NFU1: variants seen among roughly 807,000 people sequenced by gnomAD.
The protein encoded by NFU1 is NFU1 iron-sulfur cluster scaffold homolog, mitochondrial.
Under a neutral mutation model 32.2 loss-of-function variants are expected in NFU1, and 30 were observed. The ratio of observed to expected loss-of-function variants is 0.93; its 90% CI spans 0.70 to 1.26. The LOEUF is 1.26. NFU1 is among the 50% of genes most tolerant of loss of function. The probability of loss-of-function intolerance (pLI) is 0.00; values close to 1 mark genes in which losing one functional copy is unlikely to be tolerated. For synonymous variants in NFU1, 112 were observed against 104.6 expected, an observed-to-expected ratio of 1.07 and a Z score of -0.43; for missense variants, 306 against 306.6, an observed-to-expected ratio of 1.00 and a Z score of 0.02.
intron 1 of NFU1, among the ~76,000 whole-genome samples, chr2:69,434,837 G>A (rs1235726551): frequency 1.1e-4 from 16 of 152,340 alleles, no homozygotes; most frequent in Non-Finnish European, 2.9e-5. Context: ...CTCTGGATCT[G>A]AGGCTAGGGG....
chr2:69,437,427 G>C lies in NFU1; in HGVS notation c.-5C>G, dbSNP rs756111212. The C allele has an allele frequency of 6.2e-7, 1 of 1,610,548 alleles. No individual in the cohort carries two copies. Among genetic ancestry groups the C allele is most frequent in the Non-Finnish European group, 8.5e-7 (1 of 1,179,534 alleles). On this transcript the variant is annotated 5_prime_UTR_variant, in exon 1 of 8. Transcript: ENST00000410022. ...CCGCCTGGCCGTCGCCGCCATCTTAGTCCGGAGTGCCTAAGGGTCTCCCTG... is the reference window on the plus strand; with the variant it reads ...CCGCCTGGCCGTCGCCGCCATCTTACTCCGGAGTGCCTAAGGGTCTCCCTG...
upstream of NFU1, among the ~76,000 whole-genome samples, chr2:69,438,655 A>G (rs1248994128): frequency 6.6e-6 from 1 of 152,116 alleles, no homozygotes; most frequent in Non-Finnish European, 1.5e-5. Context: ...CAGAATGGAA[A>G]CAGCACACCT....
At chr2:69,413,905 G>C (rs1456957495) in intron 5 of NFU1, among the ~76,000 whole-genome samples, 2 of 151,950 alleles carry the variant, frequency 1.3e-5, no homozygotes, top group East Asian at 3.9e-4. Flanking sequence ...AAATTACCCA[G>C]GCATGGTGGT....
intron 1 of NFU1, among the ~76,000 whole-genome samples, chr2:69,435,751 T>G (rs1363958497): frequency 6.6e-6 from 1 of 151,980 alleles, no homozygotes; most frequent in Non-Finnish European, 1.5e-5. Context: ...TGTCACCACT[T>G]TATTTTGAGA....
intron 7 of NFU1, chr2:69,399,439 G>C (rs892577620): frequency 2.2e-6 from 1 of 448,458 alleles, no homozygotes; most frequent in Admixed American, 2.5e-5. Flanking sequence ...TAAAGCTCTA[G>C]AATTCTACTC....
chr2:69,417,503 T>G (rs1005262590), intron 4 of NFU1, among the ~76,000 whole-genome samples: 25 of 149,574 alleles, frequency 1.7e-4, no homozygotes, highest in Non-Finnish European at 3.0e-4. Flanking sequence ...AAAAAAAAAA[T>G]TAGCTGGGCA....
In NFU1 at chr2:69,415,263, C is replaced by T; in HGVS notation, c.406G>A (p.Asp136Asn). The T allele has an allele frequency of 1.9e-6, 3 of 1,612,270 alleles. No homozygotes were observed. The highest frequency in any genetic ancestry group is 2.5e-6 in the Non-Finnish European group (3 of 1,178,536). ...AAGTCCATGATTGTTGCATAAATATCTGGTTTCAGTAAATTCCAGTCTAAT... is the reference window on the plus strand; with the variant it reads ...AAGTCCATGATTGTTGCATAAATATTTGGTTTCAGTAAATTCCAGTCTAAT... ...EELDWNLLKP[D>N]IYATIMDFFA... is the part of the protein sequence containing the mutation. Residue 136 changes from aspartate (D) to asparagine (N), a missense_variant, in exon 5 of 8, where the codon GAT becomes AAT. By Grantham distance (23) the Asp-to-Asn change is conservative. Coordinates refer to ENST00000410022, the MANE Select transcript of NFU1 (RefSeq NM_001002755.4).
At chr2:69,428,796 AAG>A (rs1673546865) in intron 2 of NFU1, among the ~76,000 whole-genome samples, 1 of 152,242 alleles carries the variant, frequency 6.6e-6, no homozygotes, top group Non-Finnish European at 1.5e-5. Flanking sequence ...TTAAATTTGA[AAG>A]AGTTTAAATT....
At chr2:69,438,565 G>A (rs1051565400), upstream of NFU1, among the ~76,000 whole-genome samples, 5 of 152,226 alleles carry the variant, frequency 3.3e-5, no homozygotes, top group Admixed American at 6.5e-5. Context: ...GCCTAGTAGT[G>A]TTTTAACAAA....
chr2:69,401,389 G>A (rs1016279471), intron 6 of NFU1, among the ~76,000 whole-genome samples: 9 of 152,092 alleles, frequency 5.9e-5, no homozygotes, highest in African/African-American at 1.7e-4. Flanking sequence ...TTTTGTATCT[G>A]GCTTCCTATG....
Position 69,419,536 on chromosome 2 carries a change from A to G in NFU1, c.369+2T>C. The G allele has an allele frequency of 6.5e-7, 1 of 1,528,598 alleles. No homozygotes were observed. The highest frequency in any genetic ancestry group is 9.1e-7 in the Non-Finnish European group (1 of 1,104,564). The allele number at this position is 1,528,598 out of a possible 1,614,324, so 94.7% of individuals were successfully genotyped here. On this transcript the variant is annotated splice_donor_variant, in intron 4 of 7. Transcript: ENST00000410022. LOFTEE classifies it high-confidence loss of function. The stretch of plus-strand genomic sequence containing the variant: ...TCTTATTTTATATAATCCTATGTTT[A>G]CCTTTGTGACAGTGATGAAATCTGG...
At chr2:69,399,615 CAAAA>C (rs555943713) in intron 7 of NFU1, among the ~76,000 whole-genome samples, 1 of 52,328 alleles carries the variant, frequency 1.9e-5, no homozygotes. Flanking sequence ...CCCGTCTCTA[CAAAA>C]AAAAAAAAAA....
At chr2:69,408,998 C>T (rs1177800195) in intron 5 of NFU1, among the ~76,000 whole-genome samples, 2 of 151,134 alleles carry the variant, frequency 1.3e-5, no homozygotes, top group African/African-American at 2.4e-5. Flanking sequence ...TGCCACCACA[C>T]CTGGCTAATT....
intron 6 of NFU1, among the ~76,000 whole-genome samples, chr2:69,401,224 C>T (rs1000758507): frequency 2.0e-5 from 3 of 152,174 alleles, no homozygotes; most frequent in African/African-American, 7.2e-5. Context: ...AACACCAAAC[C>T]TCCAGAAGTC....
chr2:69,411,051 C>G (rs1672862309), intron 5 of NFU1: 1 of 151,156 alleles, frequency 6.6e-6, no homozygotes, highest in South Asian at 2.1e-4. Context: ...GGAAGGGGGG[C>G]AAAAAGACCA....
At chr2:69,412,857 CAAA>C (rs375424451) in intron 5 of NFU1, among the ~76,000 whole-genome samples, 3 of 103,656 alleles carry the variant, frequency 2.9e-5, no homozygotes, top group Admixed American at 1.1e-4. Flanking sequence ...GTCACTGTCT[CAAA>C]AAAAAAAAAA....
Position 69,425,569 on chromosome 2 carries a change from G to A in NFU1, c.167-1852C>T, listed in dbSNP as rs193050246. Among the ~76,000 whole-genome samples the A allele has an allele frequency of 4.8e-3, 726 of 151,880 alleles. 5 individuals are homozygous for A. Among genetic ancestry groups the A allele is most frequent in the African/African-American group, 0.017 (693 of 41,420 alleles). ...AGGGTTTCACCATGTTGGCCCAGCT[G>A]GTCTCAAACTCCTGACCTCACGTGA... On this transcript the variant is annotated intron_variant, in intron 2 of 7. Coordinates refer to ENST00000410022, the MANE Select transcript of NFU1 (RefSeq NM_001002755.4).
chr2:69,438,594 T>C (rs1014072108), upstream of NFU1, among the ~76,000 whole-genome samples: 61 of 152,142 alleles, frequency 4.0e-4, no homozygotes, highest in African/African-American at 1.3e-3. Flanking sequence ...AGGATTCTGA[T>C]GCCAGCTAAA....
At chr2:69,401,313 T>C (rs1672516372) in intron 6 of NFU1, among the ~76,000 whole-genome samples, 2 of 152,226 alleles carry the variant, frequency 1.3e-5, no homozygotes, top group African/African-American at 4.8e-5. Context: ...CTGATGAGTT[T>C]TGCCAGTCTC....
Sources: gnomAD v4.1 joint callset for allele counts (sites outside exome capture counted in the v4.1 genomes callset) on GRCh38, gnomAD v4.1.1 for gene constraint, MANE v1.5 for transcripts, NCBI Gene and HGNC (gene_info 2026-07-23, HGNC 2026-07-21) for gene names.